Variants in LYPD6B observed in about 807,000 individuals in gnomAD.
LYPD6B encodes LY6/PLAUR domain containing 6B.
LYPD6B carries 17 observed loss-of-function variants against 22.8 expected under a neutral mutation model. The ratio of observed to expected loss-of-function variants is 0.75; its 90% confidence interval spans 0.51 to 1.12. The LOEUF is 1.12. LYPD6B is among the 50% of genes most tolerant of loss of function. The pLI is 0.00. For missense variants in LYPD6B, 221 were observed against 258.3 expected (o/e 0.86, Z 0.99); for synonymous variants, 106 against 91.6 (o/e 1.16, Z -0.90).
At chr2:149,084,042 T>C (rs906015886) in intron 1 of LYPD6B, among the ~76,000 whole-genome samples, 2 of 152,206 alleles carry the variant, frequency 1.3e-5, no homozygotes, top group Non-Finnish European at 2.9e-5. Context: ...GAGGTTGCAG[T>C]GAGCCAAGAT....
At position 149,077,398 on chromosome 2, in the gene LYPD6B, T is replaced by A. The variant is rs1037337985; in HGVS notation, c.-67+38597T>A. On this transcript the variant is annotated intron_variant, in intron 1 of 6. Transcript: ENST00000409642. ...TGATTGATTAACTCTGCAAATATGA[T>A]CCCTTTGCATTTGAAAACCTTATTT... 4 of 152,234 alleles carry A rather than the reference T, an allele frequency of 2.6e-5. No homozygotes were observed. In the East Asian group the frequency reaches 7.7e-4, roughly 29 times the overall value. The allele number at this position is 152,234 out of a possible 1,614,324, so 9.4% of individuals were successfully genotyped here. A position where few individuals can be genotyped will look rare whatever the true frequency, so the allele number is the denominator to read the frequency against.
intron 1 of LYPD6B, among the ~76,000 whole-genome samples, chr2:149,059,204 C>T (rs1397447675): frequency 6.6e-6 from 1 of 152,216 alleles, no homozygotes; most frequent in Non-Finnish European, 1.5e-5. Flanking sequence ...TCTTTTCGAC[C>T]CCATATCAAG....
intron 4 of LYPD6B, among the ~76,000 whole-genome samples, chr2:149,207,822 T>G (rs1286003490): frequency 2.0e-5 from 3 of 152,146 alleles, no homozygotes; most frequent in African/African-American, 7.2e-5. Context: ...TAATCCTCAT[T>G]ATACCTCTGC....
chr2:149,148,183 C>T (rs1689156375), intron 2 of LYPD6B, among the ~76,000 whole-genome samples: 2 of 152,290 alleles, frequency 1.3e-5, no homozygotes, highest in African/African-American at 4.8e-5. Flanking sequence ...ATTGATTTAA[C>T]ATGTCAAATC....
At chr2:149,131,249 G>T in intron 2 of LYPD6B, 1 of 365,972 alleles carries the variant, frequency 2.7e-6, no homozygotes, top group East Asian at 5.2e-5. Flanking sequence ...ATTTCATCTT[G>T]TATGCTTTTA....
intron 3 of LYPD6B, among the ~76,000 whole-genome samples, chr2:149,189,496 G>C (rs1692360500): frequency 1.3e-5 from 2 of 151,438 alleles, no homozygotes; most frequent in South Asian, 4.2e-4. Flanking sequence ...TCTACATAGA[G>C]TTTAGATAAA....
chr2:149,175,055 C>CTGTGTGTGTG (rs1406656896), intron 3 of LYPD6B, among the ~76,000 whole-genome samples: 1 of 133,426 alleles, frequency 7.5e-6, no homozygotes, highest in African/African-American at 2.8e-5. Flanking sequence ...CTCTCTCTCT[C>CTGTGTGTGTG]TCTCTCTGTG....
intron 3 of LYPD6B, among the ~76,000 whole-genome samples, chr2:149,179,414 T>C (rs1691552233): frequency 6.6e-6 from 1 of 152,238 alleles, no homozygotes; most frequent in South Asian, 2.1e-4. Context: ...ACTTATGATG[T>C]ATAGAGAGCT....
chr2:149,067,893 G>A (rs149729115), intron 1 of LYPD6B, among the ~76,000 whole-genome samples: 179 of 152,264 alleles, frequency 1.2e-3, no homozygotes, highest in African/African-American at 4.1e-3. Flanking sequence ...TTTCTAGAGG[G>A]TAGAAAAGCT....
At chr2:149,194,445 A>C (rs190956571) in intron 3 of LYPD6B, among the ~76,000 whole-genome samples, 3 of 152,302 alleles carry the variant, frequency 2.0e-5, no homozygotes, top group Non-Finnish European at 4.4e-5. Context: ...TAATAAAGGG[A>C]CTGTTTACAA....
At chr2:149,095,252 C>T (rs184307794) in intron 1 of LYPD6B, among the ~76,000 whole-genome samples, 92 of 152,022 alleles carry the variant, frequency 6.1e-4, no homozygotes, top group African/African-American at 1.4e-3. Flanking sequence ...GCTGAGATTG[C>T]GTCATTGCAC....
intron 3 of LYPD6B, among the ~76,000 whole-genome samples, chr2:149,194,652 G>A (rs982086365): frequency 2.0e-5 from 3 of 152,132 alleles, no homozygotes; most frequent in Non-Finnish European, 2.9e-5. Context: ...AGGGAGTCAG[G>A]GGAATAAATA....
At chr2:149,170,668 A>G (rs1453919388) in intron 3 of LYPD6B, among the ~76,000 whole-genome samples, 4 of 152,344 alleles carry the variant, frequency 2.6e-5, no homozygotes, top group African/African-American at 7.2e-5. Context: ...ATTATGGTTT[A>G]TGGGAAAACC....
intron 2 of LYPD6B, among the ~76,000 whole-genome samples, chr2:149,158,797 A>G (rs1235123702): frequency 1.3e-5 from 2 of 152,212 alleles, no homozygotes; most frequent in African/African-American, 4.8e-5. Flanking sequence ...TTCCTTAGAC[A>G]TATATTACTT....
At chr2:149,115,264 A>C (rs114397420) in intron 1 of LYPD6B, among the ~76,000 whole-genome samples, 272 of 152,254 alleles carry the variant, frequency 1.8e-3, no homozygotes, top group African/African-American at 6.4e-3. Flanking sequence ...AAATATTACC[A>C]CTAATTAGAT....
intron 1 of LYPD6B, among the ~76,000 whole-genome samples, chr2:149,070,678 A>G (rs1047967697): frequency 6.6e-6 from 1 of 152,032 alleles, no homozygotes; most frequent in Non-Finnish European, 1.5e-5. Flanking sequence ...TAAGCTAGCA[A>G]TCAGCTTATT....
chr2:149,191,140 C>T (rs1255293487), intron 3 of LYPD6B, among the ~76,000 whole-genome samples: 2 of 152,128 alleles, frequency 1.3e-5, no homozygotes, highest in African/African-American at 2.4e-5. Context: ...TATCTATTTT[C>T]TCACTCATTT....
At chr2:149,171,539 T>G (rs1690821880) in intron 3 of LYPD6B, among the ~76,000 whole-genome samples, 1 of 151,884 alleles carries the variant, frequency 6.6e-6, no homozygotes, top group Non-Finnish European at 1.5e-5. Context: ...TTTTTTTTTT[T>G]TGATCCTATA....
chr2:149,129,331 T>C (rs562028631), intron 1 of LYPD6B, among the ~76,000 whole-genome samples: 2 of 152,286 alleles, frequency 1.3e-5, no homozygotes, highest in South Asian at 4.2e-4. Context: ...GCTTGGGAAT[T>C]TACAAAATAT....
Sources: allele counts gnomAD v4.1 joint callset (sites outside exome capture counted in the v4.1 genomes callset), GRCh38; gene constraint gnomAD v4.1.1; transcripts MANE v1.5; gene names NCBI Gene and HGNC (gene_info 2026-07-23, HGNC 2026-07-21).